Variants in COL20A1 observed in about 807,000 individuals in gnomAD.
The protein encoded by COL20A1 is collagen type XX alpha 1 chain, also known as collagen alpha-1(XX) chain.
COL20A1 carries 164 observed loss-of-function variants against 152.9 expected under a neutral mutation model. The ratio of observed to expected loss-of-function variants is 1.07; its 90% CI spans 0.94 to 1.22. COL20A1 has a LOEUF of 1.22. COL20A1 is among the 50% of genes most tolerant of loss of function. The pLI is 0.00. For synonymous variants in COL20A1, 864 were observed against 756.0 expected, an observed-to-expected ratio of 1.14 and a Z score of -2.34; for missense variants, 1,873 against 1,744.8, an observed-to-expected ratio of 1.07 and a Z score of -1.31.
chr20:63,322,973 G>A lies in COL20A1; in HGVS notation c.3294+862G>A, dbSNP rs552632331. Among the ~76,000 whole-genome samples, 5 of 152,392 alleles carry A rather than the reference G, an allele frequency of 3.3e-5. No homozygotes were observed. In the East Asian group the frequency reaches 5.8e-4, roughly 18 times the overall value. ...CCTAGGACAGTCGCTGGGTGGAAGG[G>A]CACACGCCCCTGTGCTTTGGGGTGG... On this transcript the variant is annotated intron_variant, in intron 27 of 35. Coordinates refer to ENST00000358894, the MANE Select transcript of COL20A1 (RefSeq NM_020882.4).
In COL20A1 at chr20:63,313,792, C is replaced by A. The variant is rs1273756834; in HGVS notation, c.2259C>A (p.Thr753=). 2.5e-6 allele frequency: 4 copies of A among 1,610,370 alleles called. No homozygotes were observed. The highest frequency in any genetic ancestry group is 1.1e-5 in the South Asian group (1 of 90,818). ...PPSNLALASE[T]PDSLQVSWTP... Reference sequence around the variant, plus strand: ...CCAACCTGGCCCTGGCCTCGGAGACCCCCGACAGCCTGCAGGTCAGCTGGA... The same window carrying A: ...CCAACCTGGCCCTGGCCTCGGAGACACCCGACAGCCTGCAGGTCAGCTGGA... Residue 753 remains threonine (T), a synonymous_variant, in exon 18 of 36, where the codon ACC becomes ACA. Coordinates refer to ENST00000358894, the MANE Select transcript of COL20A1 (RefSeq NM_020882.4). This position sits in a 1 kb window ranked among gnomAD's most constrained non-coding sequence, Gnocchi z 5.9.
At chr20:63,303,803 T>TCCTC (rs201345015) in intron 3 of COL20A1, among the ~76,000 whole-genome samples, 1 of 150,242 alleles carries the variant, frequency 6.7e-6, no homozygotes, top group Non-Finnish European at 1.5e-5. Context: ...CTCCCTCCCT[T>TCCTC]CCTCCCTCCC....
In COL20A1 at chr20:63,320,001, C is replaced by T. The variant is rs372817734; in HGVS notation, c.2917-38C>T. On this transcript the variant is annotated intron_variant, in intron 23 of 35. Coordinates refer to ENST00000358894, the MANE Select transcript of COL20A1 (RefSeq NM_020882.4). ...TGGGGGCTCAGGTGGGCACCGGCCC[C>T]GCCTGGGCTGTGGAGAACCTCCCGT... 224 of 1,546,176 alleles carry T rather than the reference C, an allele frequency of 1.4e-4. No homozygotes were observed. The Middle Eastern group carries it at 1.7e-3, about 12-fold the overall frequency.
chr20:63,317,494 C>T (rs920445722), intron 21 of COL20A1, among the ~76,000 whole-genome samples: 1 of 144,796 alleles, frequency 6.9e-6, no homozygotes, highest in Non-Finnish European at 1.5e-5. Context: ...AAAGAAGTTA[C>T]AAAGGAGAGT....
intron 19 of COL20A1, 62 bp downstream of exon 19, chr20:63,314,263 A>G (rs1157915595): frequency 1.4e-6 from 2 of 1,437,938 alleles, no homozygotes; most frequent in African/African-American, 2.8e-5. Context: ...CCTAGACCCC[A>G]GACCCTGCCA....
rs1319630551 is a variant in COL20A1 at position 63,319,021 on chromosome 20, T to G, written c.2664-37T>G. On this transcript the variant is annotated intron_variant, in intron 21 of 35. Transcript: ENST00000358894. This position sits in a 1 kb window ranked among gnomAD's most constrained non-coding sequence, Gnocchi z 4.4. ...TCTGCCAGGTTTGGCTGCCCTTGGG[T>G]CTGCTCATGTGCCTCTCCCTCCCCC... 6.4e-7 allele frequency: 1 copy of G among 1,572,148 alleles called. No homozygotes were observed. Among genetic ancestry groups the G allele is most frequent in the Non-Finnish European group, 8.7e-7 (1 of 1,144,974 alleles).
chr20:63,324,551 A>G (rs2068215571), intron 27 of COL20A1: 1 of 152,306 alleles, frequency 6.6e-6, no homozygotes, highest in African/African-American at 2.4e-5. Flanking sequence ...TAGTGCTGTT[A>G]TGGACATAAT....
chr20:63,311,742 A>C lies in COL20A1; in HGVS notation c.1657A>C (p.Arg553=), dbSNP rs759153105. The C allele has an allele frequency of 6.3e-7, 1 of 1,590,798 alleles. No homozygotes were observed. The highest frequency in any genetic ancestry group is 8.5e-7 in the Non-Finnish European group (1 of 1,173,766). Residue 553 remains arginine, a synonymous_variant, in exon 13 of 36, where the codon AGG becomes CGG. Coordinates refer to ENST00000358894, the MANE Select transcript of COL20A1 (RefSeq NM_020882.4). This position sits in a 1 kb window ranked among gnomAD's most constrained non-coding sequence, Gnocchi z 4.4. ...EGSEARGIRA[R]TPTLAPPRHL... is the part of the protein sequence containing the mutation. ...CAGCGAGGCCCGGGGCATCCGTGCC[A>C]GGACCCGTGAGTGCTCCAACCCCGG... is the stretch of plus-strand genomic sequence containing the variant.
intron 25 of COL20A1, 102 bp downstream of exon 25, chr20:63,320,470 G>A (rs1000836985): frequency 5.4e-5 from 62 of 1,151,006 alleles, no homozygotes; most frequent in Middle Eastern, 4.6e-4. Flanking sequence ...GATTGTCACC[G>A]TGCTGGGAGA....
Position 63,319,185 on chromosome 20 carries a change from G to C in COL20A1, c.2791G>C (p.Gly931Arg), listed in dbSNP as rs1281859108. ...MTAEDFQPLL[G>R]VLLDAGKKSL... is the part of the protein sequence containing the mutation. The stretch of plus-strand genomic sequence containing the variant: ...AGCCGAGGACTTCCAGCCCCTCCTT[G>C]GGGTTCTGCTGGATGGTGACGTGGG... Residue 931 changes from glycine (G) to arginine (R), a missense_variant, in exon 22 of 36, where the codon GGG becomes CGG. By Grantham distance (125) the Gly-to-Arg change is moderately radical. Coordinates refer to ENST00000358894, the MANE Select transcript of COL20A1 (RefSeq NM_020882.4). The surrounding 1 kb of genome is among the most constrained non-coding windows in gnomAD (Gnocchi z 4.4). The C allele has an allele frequency of 6.2e-7, 1 of 1,612,584 alleles. No homozygotes were observed. The highest frequency in any genetic ancestry group is 1.7e-5 in the Admixed American group (1 of 59,904).
chr20:63,317,465 TAAAAAAAAA>T (rs78678381), intron 21 of COL20A1, among the ~76,000 whole-genome samples: 4 of 114,578 alleles, frequency 3.5e-5, no homozygotes, highest in African/African-American at 9.9e-5. Context: ...CTCCGTCCCT[TAAAAAAAAA>T]AAAAAAAAAA....
In COL20A1 at chr20:63,295,585, G is replaced by A. The variant is rs79607342; in HGVS notation, c.82+396G>A. On this transcript the variant is annotated intron_variant, in intron 2 of 35. Coordinates refer to ENST00000358894, the MANE Select transcript of COL20A1 (RefSeq NM_020882.4). ...ATAGCCCTCTGGCTTCTCTCGGTGC[G>A]GCACTCGCATTTCCACGCAGCACCA... 6.7e-3 allele frequency among the ~76,000 whole-genome samples: 1,012 copies of A among 152,090 alleles called. 11 individuals are homozygous for A. The highest frequency in any genetic ancestry group is 0.022 in the African/African-American group (932 of 41,492).
At position 63,309,820 on chromosome 20, in the gene COL20A1, T is replaced by G; in HGVS notation, c.1168T>G (p.Ser390Ala). 3 of 1,609,346 alleles carry G rather than the reference T, an allele frequency of 1.9e-6. No homozygotes were observed. In the South Asian group the frequency reaches 3.3e-5, roughly 18 times the overall value. The change falls in exon 10 of 36, where the codon TCC (serine) becomes GCC (alanine). Residue 390 changes from serine to alanine, a missense_variant. Physicochemically the swap from Ser to Ala is moderately conservative, Grantham distance 99. Transcript: ENST00000358894. ...CAGCCTGGTCCTGAGCCAGGTGACC[T>G]CCTCCAGCATCCGCCTGTCCTGGAC... The part of the protein sequence containing the change: ...PTSLVLSQVT[S>A]SSIRLSWTPA...
Position 63,328,121 on chromosome 20 carries a change from C to G in COL20A1, c.3607C>G (p.Gln1203Glu), listed in dbSNP as rs2068279355. The change falls in exon 33 of 36, where the codon CAG (glutamine) becomes GAG (glutamate). Residue 1203 changes from glutamine to glutamate, a missense_variant. By Grantham distance (29) the Gln-to-Glu change is conservative. Coordinates refer to ENST00000358894, the MANE Select transcript of COL20A1 (RefSeq NM_020882.4). ...TGCCACCCTCTACCAGCTTGTGAGC[C>G]AGGCCTGTGAGTCTGCCATTCAGAG... is the stretch of plus-strand genomic sequence containing the variant. The part of the protein sequence containing the change: ...SLATLYQLVS[Q>E]ASHVSKFDSF... 6.2e-7 allele frequency: 1 copy of G among 1,613,088 alleles called. No homozygotes were observed. The highest frequency in any genetic ancestry group is 1.1e-5 in the South Asian group (1 of 91,022).
Position 63,319,320 on chromosome 20 carries a change from G to A in COL20A1, c.2806+120G>A. On this transcript the variant is annotated intron_variant, in intron 22 of 35. Transcript: ENST00000358894. This position sits in a 1 kb window ranked among gnomAD's most constrained non-coding sequence, Gnocchi z 4.4. Reference sequence around the variant, plus strand: ...CAGGCCAGGCCCTCAGCACCCTCTGGGTGGGAGGCAGGTGTCCCGGGCAGG... The same window carrying A: ...CAGGCCAGGCCCTCAGCACCCTCTGAGTGGGAGGCAGGTGTCCCGGGCAGG... 8.2e-7 allele frequency: 1 copy of A among 1,217,594 alleles called. No individual in the cohort carries two copies. The highest frequency in any genetic ancestry group is 1.1e-6 in the Non-Finnish European group (1 of 878,960). The allele number at this position is 1,217,594 out of a possible 1,614,324, so 75.4% of individuals were successfully genotyped here. A position where few individuals can be genotyped will look rare whatever the true frequency, so the allele number is the denominator to read the frequency against.
intron 35 of COL20A1, among the ~76,000 whole-genome samples, chr20:63,330,395 G>C (rs1333049072): frequency 6.6e-6 from 1 of 152,150 alleles, no homozygotes; most frequent in East Asian, 1.9e-4. Flanking sequence ...ACAGGCAGGA[G>C]ACCCAGGGGC....
chr20:63,313,308 C>T lies in COL20A1; in HGVS notation c.2209+59C>T. On this transcript the variant is annotated intron_variant, in intron 17 of 35. Transcript: ENST00000358894. The surrounding 1 kb of genome is among the most constrained non-coding windows in gnomAD (Gnocchi z 5.9). ...TGGGGCAGGGATGGCCCAGGGGATC[C>T]CTGACTCACCCGCTGCACAGGCCCA... is the stretch of plus-strand genomic sequence containing the variant. The T allele has an allele frequency of 1.9e-6, 3 of 1,540,462 alleles. No homozygotes were observed. Among genetic ancestry groups the T allele is most frequent in the Non-Finnish European group, 2.6e-6 (3 of 1,134,002 alleles).
rs1427560452 is a variant in COL20A1 at position 63,320,093 on chromosome 20, G to C, written c.2971G>C (p.Val991Leu). The change falls in exon 24 of 36, where the codon GTG (valine) becomes CTG (leucine). Residue 991 changes from valine (V) to leucine (L), a missense_variant. Transcript: ENST00000358894. ...KVRLYVDCRK[V>L]AERPLGEMGS... Reference sequence around the variant, plus strand: ...CAGGCTCTATGTGGACTGCCGGAAGGTGGCTGAGCGGCCCCTTGGGGAGAT... The same window carrying C: ...CAGGCTCTATGTGGACTGCCGGAAGCTGGCTGAGCGGCCCCTTGGGGAGAT... The C allele has an allele frequency of 1.9e-6, 3 of 1,554,366 alleles. No homozygotes were observed. Among genetic ancestry groups the C allele is most frequent in the Non-Finnish European group, 2.6e-6 (3 of 1,149,884 alleles).
chr20:63,324,283 G>A (rs948365684), intron 27 of COL20A1: 7 of 152,258 alleles, frequency 4.6e-5, no homozygotes, highest in Admixed American at 6.5e-5. Flanking sequence ...CTTCACCTTC[G>A]GCTTTTCAGT....
Sources: allele counts gnomAD v4.1 joint callset (sites outside exome capture counted in the v4.1 genomes callset), GRCh38; gene constraint gnomAD v4.1.1; non-coding constraint Gnocchi (gnomAD v3.1); transcripts MANE v1.5; gene names NCBI Gene and HGNC (gene_info 2026-07-23, HGNC 2026-07-21).